The following DLG2 variants were observed in gnomAD, a reference collection of about 807,000 sequenced individuals.
The protein encoded by DLG2 is disks large homolog 2.
A neutral mutation model predicts 132.5 loss-of-function variants in DLG2; 45 were observed. The observed-to-expected ratio is 0.34, with a 90% CI of 0.27 to 0.44. The LOEUF is 0.44. Among genes scored for constraint, DLG2 ranks in the 20% least tolerant of loss-of-function variants. The pLI, the probability that DLG2 is intolerant of heterozygous loss-of-function variation, is 1.00. For missense variants in DLG2, 1,045 were observed against 1,196.9 expected (o/e 0.87, Z 1.87); for synonymous variants, 424 against 419.6 (o/e 1.01, Z -0.13).
intron 6 of DLG2, among the ~76,000 whole-genome samples, chr11:84,944,154 C>A (rs1177078178): frequency 6.6e-6 from 1 of 151,890 alleles, no homozygotes; most frequent in African/African-American, 2.4e-5. Flanking sequence ...CTTTTAGGAT[C>A]CTTTCTTTAT....
chr11:84,955,658 C>T lies in DLG2; in HGVS notation c.357+156003G>A, dbSNP rs570732381. 5.9e-5 allele frequency: 9 copies of T among 152,256 alleles called. No homozygotes were observed. In the East Asian group the frequency reaches 1.5e-3, roughly 26 times the overall value. 9.4% of individuals were successfully genotyped at this position (152,256 alleles called of 1,614,324 possible). On this transcript the variant is annotated intron_variant, in intron 6 of 27. Coordinates refer to ENST00000376104, the MANE Select transcript of DLG2 (RefSeq NM_001142699.3). ...TATGATACATGTGGACAAAAAGAAT[C>T]ACAGATATAAATATCCTGTGCTTTC...
intron 4 of DLG2, among the ~76,000 whole-genome samples, chr11:85,236,363 G>A (rs2075585903): frequency 6.6e-6 from 1 of 151,992 alleles, no homozygotes; most frequent in Non-Finnish European, 1.5e-5. Flanking sequence ...AGATCAGGGT[G>A]TGAGCTGAGT....
intron 6 of DLG2, among the ~76,000 whole-genome samples, chr11:84,691,912 T>C (rs2058089611): frequency 6.6e-6 from 1 of 151,750 alleles, no homozygotes; most frequent in Non-Finnish European, 1.5e-5. Context: ...CCTTCCCTGG[T>C]ATTCTATAAT....
At chr11:85,535,232 T>A (rs533930442) in intron 3 of DLG2, among the ~76,000 whole-genome samples, 1 of 152,250 alleles carries the variant, frequency 6.6e-6, no homozygotes, top group Admixed American at 6.5e-5. Flanking sequence ...ATGCGGAGTA[T>A]TTAGCTGACT....
Position 84,398,501 on chromosome 11 carries a change from T to C in DLG2, c.519+136069A>G, listed in dbSNP as rs539657913. Among the ~76,000 whole-genome samples, 8 of 152,326 alleles carry C rather than the reference T, an allele frequency of 5.3e-5. No homozygotes were observed. In the East Asian group the frequency reaches 1.5e-3, roughly 29 times the overall value. On this transcript the variant is annotated intron_variant, in intron 7 of 27. Transcript: ENST00000376104. ...TGTACCCTGAAAACTGGGTACCTTATAAGAATGAGTATTTTTTAAGACCCA... is the reference window on the plus strand; with the variant it reads ...TGTACCCTGAAAACTGGGTACCTTACAAGAATGAGTATTTTTTAAGACCCA...
At chr11:83,476,666 T>C (rs1226073191) in intron 22 of DLG2, among the ~76,000 whole-genome samples, 1 of 152,102 alleles carries the variant, frequency 6.6e-6, no homozygotes, top group African/African-American at 2.4e-5. Context: ...TGAAAGTTAC[T>C]AGGTAAAATG....
At chr11:84,391,678 T>C (rs1026614582) in intron 7 of DLG2, among the ~76,000 whole-genome samples, 4 of 152,106 alleles carry the variant, frequency 2.6e-5, no homozygotes, top group Admixed American at 2.0e-4. Flanking sequence ...CTACAGCTGA[T>C]TGTATTCCGA....
At chr11:85,349,592 T>G (rs1361923125) in intron 3 of DLG2, among the ~76,000 whole-genome samples, 1 of 152,084 alleles carries the variant, frequency 6.6e-6, no homozygotes, top group African/African-American at 2.4e-5. Context: ...CCCCAGTGTG[T>G]GATGTTCCCC....
chr11:84,466,822 AT>A (rs1180421995), intron 7 of DLG2, among the ~76,000 whole-genome samples: 6 of 151,390 alleles, frequency 4.0e-5, no homozygotes, highest in African/African-American at 1.5e-4. Flanking sequence ...CGTATCCACA[AT>A]GTTATTTGTG....
chr11:84,564,025 C>T (rs1252549612), intron 6 of DLG2, among the ~76,000 whole-genome samples: 2 of 152,102 alleles, frequency 1.3e-5, no homozygotes, highest in Admixed American at 1.3e-4. Context: ...GAGACAACTC[C>T]AGTCTCACTC....
chr11:84,563,287 C>T (rs983173509), intron 6 of DLG2, among the ~76,000 whole-genome samples: 1 of 152,216 alleles, frequency 6.6e-6, no homozygotes, highest in Non-Finnish European at 1.5e-5. Context: ...GCTACACCCA[C>T]AACACATCCA....
intron 4 of DLG2, among the ~76,000 whole-genome samples, chr11:85,240,287 T>C (rs2075811953): frequency 6.6e-6 from 1 of 151,908 alleles, no homozygotes; most frequent in African/African-American, 2.4e-5. Flanking sequence ...TATATATTGA[T>C]GTTGACTTTA....
At chr11:83,541,630 C>T in intron 20 of DLG2, 52 bp downstream of exon 20, 9 of 1,454,048 alleles carry the variant, frequency 6.2e-6, no homozygotes, top group Non-Finnish European at 8.3e-6. Context: ...CCCTCATCTC[C>T]ACTCGCTGGA....
At chr11:85,243,239 T>C (rs1334223853) in intron 4 of DLG2, among the ~76,000 whole-genome samples, 1 of 151,904 alleles carries the variant, frequency 6.6e-6, no homozygotes, top group African/African-American at 2.4e-5. Flanking sequence ...ACTAGAAGCT[T>C]ATGCTAATTT....
intron 3 of DLG2, among the ~76,000 whole-genome samples, chr11:85,310,130 T>C (rs1457232415): frequency 6.6e-6 from 1 of 152,212 alleles, no homozygotes; most frequent in African/African-American, 2.4e-5. Flanking sequence ...TGAAAGGTAC[T>C]GATTCCTGGT....
chr11:84,609,931 G>A lies in DLG2; in HGVS notation c.358-75200C>T, dbSNP rs184229159. Among the ~76,000 whole-genome samples, 4 of 152,206 alleles carry A rather than the reference G, an allele frequency of 2.6e-5. No individual in the cohort carries two copies. In the East Asian group the frequency reaches 5.8e-4, roughly 22 times the overall value. On this transcript the variant is annotated intron_variant, in intron 6 of 27. Coordinates refer to ENST00000376104, the MANE Select transcript of DLG2 (RefSeq NM_001142699.3). ...TAGGGGGTATGATAATTAAATATATGTTGGGGAATAGGTTATTCTATGAAA... is the reference window on the plus strand; with the variant it reads ...TAGGGGGTATGATAATTAAATATATATTGGGGAATAGGTTATTCTATGAAA...
intron 7 of DLG2, among the ~76,000 whole-genome samples, chr11:84,262,931 T>C (rs2097566489): frequency 6.6e-6 from 1 of 152,150 alleles, no homozygotes; most frequent in Non-Finnish European, 1.5e-5. Flanking sequence ...GATAATGGAA[T>C]CAACCTGACA....
intron 18 of DLG2, among the ~76,000 whole-genome samples, chr11:83,712,429 G>A (rs1044386262): frequency 1.3e-5 from 2 of 152,058 alleles, no homozygotes; most frequent in African/African-American, 4.8e-5. Flanking sequence ...AGGAGTTTGA[G>A]ACCAGCCTAA....
intron 3 of DLG2, among the ~76,000 whole-genome samples, chr11:85,492,618 A>C (rs1435732530): frequency 6.6e-6 from 1 of 152,196 alleles, no homozygotes; most frequent in Non-Finnish European, 1.5e-5. Context: ...GATTTATACA[A>C]ATAAAATTAA....
Sources: gnomAD v4.1 joint callset for allele counts (sites outside exome capture counted in the v4.1 genomes callset) on GRCh38, gnomAD v4.1.1 for gene constraint, MANE v1.5 for transcripts, NCBI Gene and HGNC (gene_info 2026-07-23, HGNC 2026-07-21) for gene names.